GSK3B: variants seen among roughly 807,000 people sequenced by gnomAD.
GSK3B encodes the protein glycogen synthase kinase 3 beta, also known as glycogen synthase kinase-3 beta.
Under a neutral mutation model 56.4 loss-of-function variants are expected in GSK3B, and 15 were observed. The observed-to-expected ratio is 0.27, with a 90% confidence interval of 0.18 to 0.41. GSK3B has a LOEUF of 0.41. Ranked by LOEUF, GSK3B falls within the 10% of genes least tolerant of loss-of-function variation. The pLI is 1.00. For missense variants in GSK3B, 300 were observed against 513.4 expected (o/e 0.58, Z 4.02); for synonymous variants, 181 against 188.9 (o/e 0.96, Z 0.34).
At chr3:119,865,952 A>G (rs889722006) in intron 8 of GSK3B, among the ~76,000 whole-genome samples, 3 of 152,214 alleles carry the variant, frequency 2.0e-5, no homozygotes, top group Admixed American at 1.3e-4. Context: ...TAAAATCAAG[A>G]TTTAACCTGC....
intron 1 of GSK3B, among the ~76,000 whole-genome samples, chr3:120,055,780 A>C (rs1361924108): frequency 1.3e-5 from 2 of 152,202 alleles, no homozygotes; most frequent in African/African-American, 2.4e-5. Flanking sequence ...TCTTTCAACA[A>C]AGAATATTAG....
chr3:119,939,318 C>T (rs1188197233), intron 3 of GSK3B, among the ~76,000 whole-genome samples: 2 of 151,984 alleles, frequency 1.3e-5, no homozygotes, highest in Non-Finnish European at 2.9e-5. Flanking sequence ...AGTAAGGTCA[C>T]GATATAGATG....
At chr3:120,062,703 A>C (rs371751072) in intron 1 of GSK3B, among the ~76,000 whole-genome samples, 3 of 152,338 alleles carry the variant, frequency 2.0e-5, no homozygotes, top group South Asian at 2.1e-4. Flanking sequence ...CCAGTGATGA[A>C]CAAGATCAGA....
chr3:119,866,724 A>T, intron 8 of GSK3B: 1 of 789,874 alleles, frequency 1.3e-6, no homozygotes, highest in Non-Finnish European at 2.2e-6. Flanking sequence ...GTTATAAGAA[A>T]TCCATGGTGT....
intron 7 of GSK3B, among the ~76,000 whole-genome samples, chr3:119,898,171 G>T (rs2056589101): frequency 6.6e-6 from 1 of 152,126 alleles, no homozygotes; most frequent in African/African-American, 2.4e-5. Context: ...ACTATTTCAT[G>T]ATAAAGTGTC....
intron 3 of GSK3B, among the ~76,000 whole-genome samples, chr3:119,937,270 G>A (rs902734472): frequency 6.6e-6 from 1 of 152,028 alleles, no homozygotes; most frequent in African/African-American, 2.4e-5. Context: ...CACAGAGGTG[G>A]ATCCCTCATG....
In GSK3B at chr3:119,963,480, T is replaced by C. The variant is rs1321311108; in HGVS notation, c.283-16129A>G. On this transcript the variant is annotated intron_variant, in intron 2 of 10. Transcript: ENST00000264235. ...TAATCAAAACAGTATGATACAAGCA[T>C]ATAAAAACAGACATATGAATCCCAG... 3.3e-5 allele frequency among the ~76,000 whole-genome samples: 5 copies of C among 151,102 alleles called. No individual in the cohort carries two copies. The East Asian group carries it at 7.7e-4, about 23-fold the overall frequency.
intron 2 of GSK3B, 71 bp downstream of exon 2, chr3:120,001,975 C>CT: frequency 9.9e-7 from 1 of 1,007,432 alleles, no homozygotes; most frequent in Non-Finnish European, 1.4e-6. Context: ...AAAGAAGCAA[C>CT]TAAAAAAATA....
chr3:119,870,347 T>A (rs569416159), intron 8 of GSK3B, among the ~76,000 whole-genome samples: 1 of 152,226 alleles, frequency 6.6e-6, no homozygotes, highest in African/African-American at 2.4e-5. Flanking sequence ...ATATTTTACT[T>A]CTTTTGCATG....
chr3:119,940,498 TA>T (rs2057037936), intron 3 of GSK3B, among the ~76,000 whole-genome samples: 1 of 152,096 alleles, frequency 6.6e-6, no homozygotes, highest in South Asian at 2.1e-4. Context: ...AAACCTCTGA[TA>T]AAAGTTCTTT....
chr3:120,056,204 C>T (rs1464705087), intron 1 of GSK3B, among the ~76,000 whole-genome samples: 1 of 152,186 alleles, frequency 6.6e-6, no homozygotes, highest in East Asian at 1.9e-4. Flanking sequence ...ATGTAAATGG[C>T]TTACTATATC....
At chr3:119,990,496 C>T (rs1037196633) in intron 2 of GSK3B, among the ~76,000 whole-genome samples, 10 of 152,200 alleles carry the variant, frequency 6.6e-5, no homozygotes, top group African/African-American at 2.4e-4. Context: ...TATGCTCAAG[C>T]TTTCAAAATT....
chr3:119,864,057 A>G (rs1318863763), intron 8 of GSK3B, among the ~76,000 whole-genome samples: 1 of 152,170 alleles, frequency 6.6e-6, no homozygotes, highest in Non-Finnish European at 1.5e-5. Context: ...GAGAAAGAAG[A>G]GCTATTTACT....
In GSK3B at chr3:119,823,059, G is replaced by A. The variant is rs1400846881; in HGVS notation, c.*3729C>T. 4.4e-6 allele frequency: 1 copy of A among 229,178 alleles called. No individual in the cohort carries two copies. Among genetic ancestry groups the A allele is most frequent in the African/African-American group, 2.2e-5 (1 of 45,072 alleles). 14.2% of individuals were successfully genotyped at this position (229,178 alleles called of 1,614,324 possible). ...AAAATTAAGAGGACTTAAAAAAAAT[G>A]ACACAGCATGTCACTGGAAAGAAGG... On this transcript the variant is annotated 3_prime_UTR_variant, in exon 11 of 11. Coordinates refer to ENST00000264235, the MANE Select transcript of GSK3B (RefSeq NM_001146156.2).
At chr3:119,915,547 G>A (rs910835230) in intron 5 of GSK3B, among the ~76,000 whole-genome samples, 2 of 151,900 alleles carry the variant, frequency 1.3e-5, no homozygotes, top group African/African-American at 4.8e-5. Flanking sequence ...ATGTGTGTGT[G>A]TACATATATA....
chr3:120,052,271 T>C (rs1270933822), intron 1 of GSK3B, among the ~76,000 whole-genome samples: 1 of 152,148 alleles, frequency 6.6e-6, no homozygotes, highest in Non-Finnish European at 1.5e-5. Flanking sequence ...TTGTCAAATG[T>C]CTTAGATAAT....
chr3:119,987,093 G>A (rs143046974), intron 2 of GSK3B, among the ~76,000 whole-genome samples: 4 of 152,262 alleles, frequency 2.6e-5, no homozygotes, highest in Non-Finnish European at 5.9e-5. Flanking sequence ...ACCAAAGACC[G>A]CATGTTCTCA....
At chr3:119,966,598 G>A (rs1447836093) in intron 2 of GSK3B, among the ~76,000 whole-genome samples, 1 of 152,118 alleles carries the variant, frequency 6.6e-6, no homozygotes, top group Non-Finnish European at 1.5e-5. Context: ...ACCACATTAA[G>A]GAATCAGAGA....
chr3:120,053,755 G>C (rs1306431324), intron 1 of GSK3B, among the ~76,000 whole-genome samples: 1 of 152,138 alleles, frequency 6.6e-6, no homozygotes, highest in African/African-American at 2.4e-5. Context: ...TTATGATAGT[G>C]AATAAGTCTT....
Sources: allele counts gnomAD v4.1 joint callset (sites outside exome capture counted in the v4.1 genomes callset), GRCh38; gene constraint gnomAD v4.1.1; transcripts MANE v1.5; gene names NCBI Gene and HGNC (gene_info 2026-07-23, HGNC 2026-07-21).